The following SLC4A2 variants were observed in gnomAD, a reference collection of about 807,000 sequenced individuals.
The protein encoded by SLC4A2 is solute carrier family 4 member 2, also known as anion exchange protein 2.
In SLC4A2, 36 loss-of-function variants were observed where a neutral mutation model predicts 115.0. The observed-to-expected ratio is 0.31, with a 90% CI of 0.24 to 0.41. The LOEUF (loss-of-function observed/expected upper bound fraction) is 0.41. Ranked by LOEUF, SLC4A2 falls within the 10% of genes least tolerant of loss-of-function variation. The probability of loss-of-function intolerance (pLI) is 1.00; values close to 1 mark genes in which losing one functional copy is unlikely to be tolerated. For missense variants in SLC4A2, 1,252 were observed against 1,705.6 expected, an observed-to-expected ratio of 0.73 and a Z score of 4.68; for synonymous variants, 708 against 708.3, an observed-to-expected ratio of 1.00 and a Z score of 0.01.
At chr7:151,069,140 C>CCAAAAAAAAAAA (rs1797337861) in intron 8 of SLC4A2, among the ~76,000 whole-genome samples, 1 of 40,950 alleles carries the variant, frequency 2.4e-5, no homozygotes, top group Non-Finnish European at 4.2e-5. Context: ...CTCTTATCAC[C>CCAAAAAAAAAAA]AAAAAAAAAA....
rs187400088 is a variant in SLC4A2 at position 151,074,367 on chromosome 7, C to T, written c.2791-32C>T. On this transcript the variant is annotated intron_variant, in intron 17 of 22. Transcript: ENST00000413384. ...GGCAGGAAGTCAGCGGCTGTGGTGG[C>T]AGGACTCTGAGCGCTGTGCCTGCCC... The T allele has an allele frequency of 2.9e-4, 461 of 1,612,354 alleles. 2 individuals carry two copies. The African/African-American group carries it at 4.8e-3, about 17-fold the overall frequency.
At position 151,070,833 on chromosome 7, in the gene SLC4A2, C is replaced by T. The variant is rs771930101; in HGVS notation, c.1671C>T (p.Phe557=). The T allele has an allele frequency of 7.4e-6, 12 of 1,613,886 alleles. No individual in the cohort carries two copies. The highest frequency in any genetic ancestry group is 1.3e-5 in the African/African-American group (1 of 74,918). The change falls in exon 12 of 23, where the codon TTC becomes TTT. Residue 557 remains phenylalanine, a synonymous_variant. Transcript: ENST00000413384. ...LEVPVPVRFL[F]LLLGPSSANM... Reference sequence around the variant, plus strand: ...TGCCGGTGCCTGTGCGTTTCCTCTTCCTGCTGCTGGGCCCGAGTAGTGCCA... The same window carrying T: ...TGCCGGTGCCTGTGCGTTTCCTCTTTCTGCTGCTGGGCCCGAGTAGTGCCA...
intron 5 of SLC4A2, 26 bp from the exon 6 acceptor site, chr7:151,066,491 G>A: frequency 6.8e-7 from 1 of 1,470,216 alleles, no homozygotes; most frequent in East Asian, 2.5e-5. Context: ...AGGTTTCTCG[G>A]GCTCACGGCC....
At chr7:151,069,140 C>CAAAAAAAAAAAAAAAAAAA (rs397978007) in intron 8 of SLC4A2, among the ~76,000 whole-genome samples, 872 of 40,868 alleles carry the variant, frequency 0.021, 247 homozygotes, top group Non-Finnish European at 0.026. Flanking sequence ...CTCTTATCAC[C>CAAAAAAAAAAAAAAAAAAA]AAAAAAAAAA....
At chr7:151,066,801 A>C in intron 6 of SLC4A2, 40 bp downstream of exon 6, 2 of 1,592,952 alleles carry the variant, frequency 1.3e-6, no homozygotes, top group Non-Finnish European at 1.7e-6. Context: ...ACTGGTGGGC[A>C]AAGGAGTGAG....
Position 151,070,882 on chromosome 7 carries a change from C to T in SLC4A2, c.1720C>T (p.Arg574Cys). Residue 574 changes from arginine (R) to cysteine (C), a missense_variant, in exon 12 of 23, where the codon CGC (arginine) becomes TGC (cysteine). Arg to Cys is a radical substitution (Grantham distance 180, BLOSUM62 -3). Around this residue, in one of 14 missense-constraint regions of SLC4A2, gnomAD observed 87 missense variants for 170.3 expected, o/e 0.51. Coordinates refer to ENST00000413384, the MANE Select transcript of SLC4A2 (RefSeq NM_003040.4). ...SANMDYHEIG[R>C]SISTLMSDKQ... ...CAACATGGACTACCACGAGATCGGC[C>T]GCTCCATCTCCACCCTCATGTCAGA... The T allele has an allele frequency of 1.2e-6, 2 of 1,613,304 alleles. No individual in the cohort carries two copies. Among genetic ancestry groups the T allele is most frequent in the Non-Finnish European group, 1.7e-6 (2 of 1,179,992 alleles).
chr7:151,076,253 C>G (rs760277876), intron 22 of SLC4A2, 34 bp from the exon 23 acceptor site: 65 of 1,587,558 alleles, frequency 4.1e-5, no homozygotes, highest in Admixed American at 1.7e-4. Flanking sequence ...GGCCCCCCCA[C>G]TTCCCTTCTT....
chr7:151,068,974 C>T (rs1158102241), intron 8 of SLC4A2, among the ~76,000 whole-genome samples: 5 of 151,426 alleles, frequency 3.3e-5, no homozygotes, highest in African/African-American at 9.7e-5. Flanking sequence ...CCCATCTCTA[C>T]TAAAAATACA....
Position 151,074,661 on chromosome 7 carries a change from T to C in SLC4A2, c.2881-14T>C. 1 of 1,591,310 alleles carries C rather than the reference T, an allele frequency of 6.3e-7. No homozygotes were observed. The highest frequency in any genetic ancestry group is 8.6e-7 in the Non-Finnish European group (1 of 1,168,930). On this transcript the variant is annotated splice_polypyrimidine_tract_variant and intron_variant, in intron 18 of 22. Coordinates refer to ENST00000413384, the MANE Select transcript of SLC4A2 (RefSeq NM_003040.4). ...CACCTTAACCCTTGTCCCTACACTG[T>C]GTCTGCCCTGCAGAAGCTGAGCGTT...
Position 151,066,780 on chromosome 7 carries a change from C to T in SLC4A2, c.823+19C>T, listed in dbSNP as rs1235526038. On this transcript the variant is annotated intron_variant, in intron 6 of 22. Transcript: ENST00000413384. ...ATGAAGAGTAAGTGCTGGGCCTTGG[C>T]CAAGCCCGGCACTGGTGGGCAAAGG... The T allele has an allele frequency of 6.3e-7, 1 of 1,579,322 alleles. No individual in the cohort carries two copies.
At chr7:151,072,394 C>A (rs1459956259) in intron 16 of SLC4A2, among the ~76,000 whole-genome samples, 2 of 151,848 alleles carry the variant, frequency 1.3e-5, no homozygotes, top group Non-Finnish European at 2.9e-5. Context: ...TGGGTTCAAG[C>A]GATTTTCCTG....
rs1213121588 is a variant in SLC4A2 at position 151,071,338 on chromosome 7, G to A, written c.1975+41G>A. On this transcript the variant is annotated intron_variant, in intron 13 of 22. Transcript: ENST00000413384. The surrounding 1 kb of genome is among the most constrained non-coding windows in gnomAD (Gnocchi z 5.5). The stretch of plus-strand genomic sequence containing the variant: ...GCTGGGGCCAGGGCTGCCTCGAGGG[G>A]GTGAGGTGGGCAAGAGGGGCTGGGG... 2 of 1,546,460 alleles carry A rather than the reference G, an allele frequency of 1.3e-6. No individual in the cohort carries two copies. Among genetic ancestry groups the A allele is most frequent in the Middle Eastern group, 1.7e-4 (1 of 5,770 alleles).
chr7:151,066,273 G>T (rs558082022), intron 5 of SLC4A2, among the ~76,000 whole-genome samples: 54 of 152,372 alleles, frequency 3.5e-4, no homozygotes, highest in African/African-American at 1.3e-3. Context: ...CGCAGTGGCC[G>T]TTCAGAGGGG....
intron 1 of SLC4A2, chr7:151,061,611 T>G: frequency 4.1e-6 from 1 of 245,118 alleles, no homozygotes; most frequent in Non-Finnish European, 8.1e-6. Flanking sequence ...TCCCTCATCT[T>G]TGTTGCTTTC....
chr7:151,074,553 TCCAGCCTCCAAAC>T, intron 18 of SLC4A2, 65 bp downstream of exon 18: 1 of 1,595,226 alleles, frequency 6.3e-7, no homozygotes, highest in East Asian at 2.2e-5. Context: ...GGTGTTCCCC[TCCAGCCTCCAAAC>T]CCAGCCTGTC....
At chr7:151,062,098 C>G in intron 2 of SLC4A2, 60 bp downstream of exon 2, 2 of 1,459,592 alleles carry the variant, frequency 1.4e-6, no homozygotes, top group Non-Finnish European at 1.9e-6. Context: ...CTTGGGTGCT[C>G]CGGCCAAGGG....
upstream of SLC4A2, chr7:151,058,200 C>A: frequency 2.2e-6 from 1 of 453,198 alleles, no homozygotes; most frequent in Non-Finnish European, 3.9e-6. Context: ...GTTGTTATTC[C>A]TTTTATGTGC....
rs935339503 is a variant in SLC4A2 at position 151,071,205 on chromosome 7, A to C, written c.1883A>C (p.His628Pro). ...QGEELLRSVA[H>P]FQRQMLKKRE... ...GAGGAGCTGCTGCGCTCTGTGGCCC[A>C]CTTCCAGCGCCAGATGCTCAAGAAG... The change falls in exon 13 of 23, where the codon CAC becomes CCC. Residue 628 changes from histidine to proline, a missense_variant. This residue lies in a region of SLC4A2 where 122 missense variants were observed against 116.8 expected (regional missense o/e 1.04). Transcript: ENST00000413384. The surrounding 1 kb of genome is among the most constrained non-coding windows in gnomAD (Gnocchi z 5.5). 1 of 1,602,160 alleles carries C rather than the reference A, an allele frequency of 6.2e-7. No homozygotes were observed. Among genetic ancestry groups the C allele is most frequent in the Admixed American group, 1.7e-5 (1 of 58,396 alleles).
At position 151,067,007 on chromosome 7, in the gene SLC4A2, C is replaced by T; in HGVS notation, c.966+14C>T. 1 of 1,566,130 alleles carries T rather than the reference C, an allele frequency of 6.4e-7. No homozygotes were observed. Among genetic ancestry groups the T allele is most frequent in the Non-Finnish European group, 8.6e-7 (1 of 1,157,626 alleles). On this transcript the variant is annotated intron_variant, in intron 7 of 22. Coordinates refer to ENST00000413384, the MANE Select transcript of SLC4A2 (RefSeq NM_003040.4). ...AAGCCCCATGAGGTACCATGCTCTG[C>T]TTCATGCTCTTCCATCAACTTCCCA...
Sources: allele counts gnomAD v4.1 joint callset (sites outside exome capture counted in the v4.1 genomes callset), GRCh38; gene constraint gnomAD v4.1.1; regional missense constraint gnomAD v4.1.1; non-coding constraint Gnocchi (gnomAD v3.1); transcripts MANE v1.5; gene names NCBI Gene and HGNC (gene_info 2026-07-23, HGNC 2026-07-21).